NFIA: variants seen among roughly 807,000 people sequenced by gnomAD.
The protein encoded by NFIA is nuclear factor I A, also known as nuclear factor 1 A-type.
Under a neutral mutation model 62.8 loss-of-function variants are expected in NFIA, and 8 were observed. The ratio of observed to expected loss-of-function variants is 0.13; its 90% CI spans 0.07 to 0.23. The LOEUF is 0.23. Ranked by LOEUF, NFIA falls within the 10% of genes least tolerant of loss-of-function variation. The pLI is 1.00. For missense variants in NFIA, 410 were observed against 642.1 expected (o/e 0.64, Z 3.91); for synonymous variants, 235 against 238.1 (o/e 0.99, Z 0.12).
rs1651003328 is a variant in NFIA, at chr1:61,184,374, A to G, written c.560-93146A>G. Among the ~76,000 whole-genome samples the G allele has an allele frequency of 3.3e-5, 5 of 151,572 alleles. No individual in the cohort carries two copies. The South Asian group carries it at 8.3e-4, about 25-fold the overall frequency. The stretch of plus-strand genomic sequence containing the variant: ...CACGCACAGCCATTTCCTTGTTTCT[A>G]AAAAACTTGCTACCTCCACAGAGTA... On this transcript the variant is annotated intron_variant, in intron 2 of 10. Coordinates refer to ENST00000403491, the MANE Select transcript of NFIA (RefSeq NM_001134673.4).
At chr1:61,173,139 C>G (rs1650077818) in intron 2 of NFIA, among the ~76,000 whole-genome samples, 1 of 152,198 alleles carries the variant, frequency 6.6e-6, no homozygotes, top group Non-Finnish European at 1.5e-5. Flanking sequence ...AAAGCCAGTG[C>G]TCTTTCCACT....
intron 2 of NFIA, among the ~76,000 whole-genome samples, chr1:61,226,875 T>C (rs751708544): frequency 1.4e-4 from 22 of 152,196 alleles, no homozygotes; most frequent in Non-Finnish European, 2.6e-4. Flanking sequence ...CAGCCAAGTA[T>C]GCCATTCCGA....
Position 61,383,341 on chromosome 1 carries a change from C to T in NFIA, c.1051C>T (p.Arg351Ter), listed in dbSNP as rs1422656895. Residue 351 changes from arginine to a stop codon, truncating the protein, a stop_gained, in exon 7 of 11, where the codon CGA becomes TGA. Transcript: ENST00000403491. LOFTEE classifies it high-confidence loss of function. ...GGGAACGGCGTTCACACAGCATCAC[C>T]GACCTGTCATTACAGGACCCAGAGG... Reference protein sequence around the residue: ...SLGTAFTQHHRPVITGPRASP... With the variant: ...SLGTAFTQHH The T allele has an allele frequency of 6.2e-7, 1 of 1,613,938 alleles. No homozygotes were observed. Among genetic ancestry groups the T allele is most frequent in the Non-Finnish European group, 8.5e-7 (1 of 1,179,894 alleles).
At chr1:61,426,395 G>T in intron 9 of NFIA, 70 bp from the exon 10 acceptor site, 1 of 1,014,904 alleles carries the variant, frequency 9.9e-7, no homozygotes, top group Non-Finnish European at 1.5e-6. Context: ...CGGAGACTGT[G>T]TGTTTTGGTG....
Position 61,423,899 on chromosome 1 carries a change from A to G in NFIA, c.1421-2566A>G, listed in dbSNP as rs1404546180. Among the ~76,000 whole-genome samples the G allele has an allele frequency of 5.3e-5, 8 of 152,184 alleles. No homozygotes were observed. The South Asian group carries it at 1.7e-3, about 32-fold the overall frequency. On this transcript the variant is annotated intron_variant, in intron 9 of 10. Transcript: ENST00000403491. ...TCCTTTTCCCAGAAGCTAGCTTTCTATGGAATAAACTTGCCTGGGCACCAT... is the reference window on the plus strand; with the variant it reads ...TCCTTTTCCCAGAAGCTAGCTTTCTGTGGAATAAACTTGCCTGGGCACCAT...
chr1:61,210,636 T>C (rs572235785), intron 2 of NFIA, among the ~76,000 whole-genome samples: 1 of 152,338 alleles, frequency 6.6e-6, no homozygotes, highest in Non-Finnish European at 1.5e-5. Flanking sequence ...CTTGTTCTGT[T>C]AAATTTATCC....
At chr1:61,446,186 C>A (rs1211851606) in intron 10 of NFIA, among the ~76,000 whole-genome samples, 1 of 152,186 alleles carries the variant, frequency 6.6e-6, no homozygotes, top group Non-Finnish European at 1.5e-5. Flanking sequence ...TTGAACCAGG[C>A]CACCAGACCC....
rs1317164868 is a variant in NFIA at position 61,117,705 on chromosome 1, A to C, written c.559+29025A>C. 2.0e-5 allele frequency among the ~76,000 whole-genome samples: 3 copies of C among 152,320 alleles called. No individual in the cohort carries two copies. The East Asian group carries it at 5.8e-4, about 29-fold the overall frequency. On this transcript the variant is annotated intron_variant, in intron 2 of 10. Coordinates refer to ENST00000403491, the MANE Select transcript of NFIA (RefSeq NM_001134673.4). ...GCTTGATAATTTGGTGTCCTGACAG[A>C]CTGCAGTTTATTATTTAGTATTAAA...
chr1:61,192,010 A>G (rs1651662405), intron 2 of NFIA, among the ~76,000 whole-genome samples: 1 of 151,832 alleles, frequency 6.6e-6, no homozygotes, highest in African/African-American at 2.4e-5. Flanking sequence ...CCCAGGCTGG[A>G]TTGCAGTGGT....
chr1:61,096,360 T>G (rs1400051105), intron 2 of NFIA, among the ~76,000 whole-genome samples: 1 of 151,356 alleles, frequency 6.6e-6, no homozygotes, highest in Non-Finnish European at 1.5e-5. Flanking sequence ...ATTACAGGCA[T>G]GCACCCCCAT....
intron 3 of NFIA, among the ~76,000 whole-genome samples, chr1:61,311,568 C>T (rs1433052277): frequency 6.6e-6 from 1 of 152,126 alleles, no homozygotes. Flanking sequence ...TAGCAGCACC[C>T]ATGGCCTCTA....
chr1:61,200,010 G>GTGTATATA (rs1264243831), intron 2 of NFIA, among the ~76,000 whole-genome samples: 3 of 52,826 alleles, frequency 5.7e-5, no homozygotes, highest in Non-Finnish European at 1.2e-4. Flanking sequence ...ATATATATAT[G>GTGTATATA]TATATATATA....
intron 10 of NFIA, among the ~76,000 whole-genome samples, chr1:61,453,725 G>A (rs538851395): frequency 6.6e-6 from 1 of 152,256 alleles, no homozygotes; most frequent in East Asian, 1.9e-4. Flanking sequence ...GGAGGAAGCG[G>A]CTCTAACGTG....
chr1:61,242,433 C>G (rs1655403065), intron 2 of NFIA, among the ~76,000 whole-genome samples: 1 of 152,128 alleles, frequency 6.6e-6, no homozygotes, highest in Middle Eastern at 3.4e-3. Context: ...AAAAACAAAG[C>G]CTGGAAAAAA....
intron 3 of NFIA, among the ~76,000 whole-genome samples, chr1:61,318,110 C>T (rs1206955580): frequency 2.0e-5 from 3 of 151,958 alleles, no homozygotes; most frequent in Admixed American, 6.6e-5. Flanking sequence ...AAATTCACCC[C>T]GATTCATATT....
chr1:61,358,506 C>T (rs1227554632), intron 5 of NFIA, among the ~76,000 whole-genome samples: 1 of 151,206 alleles, frequency 6.6e-6, no homozygotes, highest in African/African-American at 2.4e-5. Flanking sequence ...CTGCCTCAGC[C>T]TCCCGAGTAG....
At chr1:61,384,057 A>G (rs961690609) in intron 7 of NFIA, among the ~76,000 whole-genome samples, 3 of 152,222 alleles carry the variant, frequency 2.0e-5, no homozygotes, top group African/African-American at 7.2e-5. Context: ...TCAGCAAATC[A>G]CTTAACTTGA....
intron 2 of NFIA, among the ~76,000 whole-genome samples, chr1:61,145,326 T>C (rs1440863754): frequency 6.6e-6 from 1 of 152,210 alleles, no homozygotes; most frequent in Non-Finnish European, 1.5e-5. Context: ...ACTTCATGGC[T>C]AAAACAAAGT....
In NFIA at chr1:61,114,323, A is replaced by C. The variant is rs1228302325; in HGVS notation, c.559+25643A>C. ...CAACATAGCAAGACCCCATCTTAAAAAAATTTTTTTTTTTTAGTCAGCCAG... is the reference window on the plus strand; with the variant it reads ...CAACATAGCAAGACCCCATCTTAAACAAATTTTTTTTTTTTAGTCAGCCAG... On this transcript the variant is annotated intron_variant, in intron 2 of 10. Transcript: ENST00000403491. Among the ~76,000 whole-genome samples, 21 of 152,250 alleles carry C rather than the reference A, an allele frequency of 1.4e-4. No individual in the cohort carries two copies. In the East Asian group the frequency reaches 4.1e-3, roughly 29 times the overall value.
Sources: allele counts gnomAD v4.1 joint callset (sites outside exome capture counted in the v4.1 genomes callset), GRCh38; gene constraint gnomAD v4.1.1; transcripts MANE v1.5; gene names NCBI Gene and HGNC (gene_info 2026-07-23, HGNC 2026-07-21).